Variants in TSHZ3 observed in about 807,000 individuals in gnomAD.
TSHZ3 encodes the protein teashirt zinc finger homeobox 3.
TSHZ3 carries 10 observed loss-of-function variants against 64.5 expected under a neutral mutation model. That is an observed-to-expected ratio of 0.16 (90% CI 0.10 to 0.26). The LOEUF is 0.26. TSHZ3 is among the 10% of genes least tolerant of loss of function. TSHZ3 has a pLI of 1.00. For missense variants in TSHZ3, 1,242 were observed against 1,421.7 expected (o/e 0.87, Z 2.03); for synonymous variants, 608 against 593.1 (o/e 1.03, Z -0.36).
intron 4 of TSHZ3, among the ~76,000 whole-genome samples, chr19:31,216,289 A>T (rs1340521879): frequency 1.3e-5 from 2 of 152,176 alleles, no homozygotes; most frequent in African/African-American, 4.8e-5. Flanking sequence ...AGCTGAGCAC[A>T]CAACTAGGAC....
At chr19:31,217,995 C>A (rs925855392) in intron 4 of TSHZ3, among the ~76,000 whole-genome samples, 1 of 152,106 alleles carries the variant, frequency 6.6e-6, no homozygotes, top group Non-Finnish European at 1.5e-5. Flanking sequence ...TTGGTGAGGA[C>A]TTTTTAGATC....
rs1018554061 is a variant in TSHZ3 at position 31,349,264 on chromosome 19, C to T, written c.-45G>A. On this transcript the variant is annotated 5_prime_UTR_variant, in exon 1 of 2. Coordinates refer to ENST00000240587, the MANE Select transcript of TSHZ3 (RefSeq NM_020856.4). ...CCACTGCCGCCGCCGCCGCCGCTGCCGGGCTGAGGACAGGGAGGGAGGGGG... is the reference window on the plus strand; with the variant it reads ...CCACTGCCGCCGCCGCCGCCGCTGCTGGGCTGAGGACAGGGAGGGAGGGGG... 2.6e-6 allele frequency: 4 copies of T among 1,511,240 alleles called. No homozygotes were observed. The African/African-American group carries it at 4.6e-5, about 17-fold the overall frequency. 93.6% of individuals were successfully genotyped at this position (1,511,240 alleles called of 1,614,324 possible).
chr19:31,269,441 C>T (rs1483861759), intron 1 of TSHZ3, among the ~76,000 whole-genome samples: 3 of 152,022 alleles, frequency 2.0e-5, no homozygotes, highest in African/African-American at 7.2e-5. Context: ...ACACCTATCT[C>T]ATTCTCTCTC....
chr19:31,271,999 G>A (rs915075310), downstream of TSHZ3, among the ~76,000 whole-genome samples: 3 of 151,868 alleles, frequency 2.0e-5, no homozygotes, highest in South Asian at 2.1e-4. Flanking sequence ...AGAATAAAAC[G>A]CAATTGCAAT....
intron 1 of TSHZ3, among the ~76,000 whole-genome samples, chr19:31,323,727 G>T (rs1235851989): frequency 1.3e-5 from 2 of 151,924 alleles, no homozygotes; most frequent in African/African-American, 4.8e-5. Flanking sequence ...GATACATCAG[G>T]GTAGACCCAC....
chr19:31,189,263 T>A (rs1365755948), intron 5 of TSHZ3, among the ~76,000 whole-genome samples: 9 of 152,000 alleles, frequency 5.9e-5, no homozygotes, highest in Non-Finnish European at 1.2e-4. Context: ...CAATTTCTGT[T>A]CACTGTTGCC....
At chr19:31,187,952 G>A (rs1974838919) in intron 5 of TSHZ3, among the ~76,000 whole-genome samples, 2 of 152,008 alleles carry the variant, frequency 1.3e-5, no homozygotes, top group Non-Finnish European at 2.9e-5. Flanking sequence ...TTGTCAAAGA[G>A]AAGTCTGCTG....
chr19:31,201,084 G>T (rs951819384), intron 5 of TSHZ3, among the ~76,000 whole-genome samples: 1 of 152,112 alleles, frequency 6.6e-6, no homozygotes, highest in Non-Finnish European at 1.5e-5. Flanking sequence ...CGTGATAGGT[G>T]CCTATTGAAT....
At chr19:31,287,936 C>A (rs1403468057) in intron 1 of TSHZ3, among the ~76,000 whole-genome samples, 7 of 151,916 alleles carry the variant, frequency 4.6e-5, no homozygotes, top group African/African-American at 1.5e-4. Context: ...AGGGTGATTT[C>A]TTTTTCTGTT....
At chr19:31,308,976 C>T (rs548347079) in intron 1 of TSHZ3, among the ~76,000 whole-genome samples, 365 of 152,378 alleles carry the variant, frequency 2.4e-3, no homozygotes, top group Non-Finnish European at 4.1e-3. Flanking sequence ...AGCCTGCCGT[C>T]CTCCCCAAGG....
intron 1 of TSHZ3, among the ~76,000 whole-genome samples, chr19:31,336,249 A>T (rs1917238383): frequency 6.6e-6 from 1 of 152,214 alleles, no homozygotes; most frequent in Non-Finnish European, 1.5e-5. Flanking sequence ...TTTTAGCTTC[A>T]GAAAAAGCAA....
At chr19:31,208,914 G>A (rs1207276528) in intron 4 of TSHZ3, among the ~76,000 whole-genome samples, 1 of 152,232 alleles carries the variant, frequency 6.6e-6, no homozygotes, top group Non-Finnish European at 1.5e-5. Context: ...GACGGCTGGG[G>A]TTGGTATCAG....
chr19:31,195,455 T>A (rs1974973270), intron 5 of TSHZ3: 1 of 152,124 alleles, frequency 6.6e-6, no homozygotes. Context: ...TTTAAAGTGT[T>A]AAGAGAAAAA....
chr19:31,216,989 G>T (rs4804955), intron 4 of TSHZ3, among the ~76,000 whole-genome samples: 92,522 of 151,102 alleles, frequency 0.61, 28,486 homozygotes, highest in Middle Eastern at 0.71. Context: ...AGTAGAGAAG[G>T]TGTTTCACCA....
At chr19:31,173,954 G>C (rs1490480342) in intron 5 of TSHZ3, among the ~76,000 whole-genome samples, 1 of 152,150 alleles carries the variant, frequency 6.6e-6, no homozygotes, top group Non-Finnish European at 1.5e-5. Flanking sequence ...TGTAATCCCA[G>C]CTACTCGGGA....
At chr19:31,272,738 A>G (rs1464142894), downstream of TSHZ3, among the ~76,000 whole-genome samples, 1 of 152,226 alleles carries the variant, frequency 6.6e-6, no homozygotes, top group Non-Finnish European at 1.5e-5. Flanking sequence ...ACCATAAATT[A>G]GTTAAATTGC....
intron 3 of TSHZ3, among the ~76,000 whole-genome samples, chr19:31,230,113 T>C (rs1975519251): frequency 6.6e-6 from 1 of 152,182 alleles, no homozygotes; most frequent in Admixed American, 6.5e-5. Context: ...TGGAAGGTTG[T>C]TTATAAAAGC....
intron 1 of TSHZ3, among the ~76,000 whole-genome samples, chr19:31,315,268 A>G (rs1405526933): frequency 6.6e-6 from 1 of 152,112 alleles, no homozygotes; most frequent in Non-Finnish European, 1.5e-5. Context: ...CGAGGCTCAC[A>G]TCAGCCATCC....
rs376768095 is a variant in TSHZ3 at position 31,214,563 on chromosome 19, T to C, written n.687-9485A>G. Among the ~76,000 whole-genome samples the C allele has an allele frequency of 2.6e-4, 40 of 152,336 alleles. No individual in the cohort carries two copies. The East Asian group carries it at 5.0e-3, about 19-fold the overall frequency. ...TTGCACCTAAGTTGACTGAGACTTA[T>C]CACTTTCACATCCCAGGATTAAGTG... is the stretch of plus-strand genomic sequence containing the variant. On this transcript the variant is annotated intron_variant and non_coding_transcript_variant, in intron 4 of 6. Transcript: ENST00000651361.
Sources: allele counts gnomAD v4.1 joint callset (sites outside exome capture counted in the v4.1 genomes callset), GRCh38; gene constraint gnomAD v4.1.1; transcripts MANE v1.5; gene names NCBI Gene and HGNC (gene_info 2026-07-23, HGNC 2026-07-21).